ARHGAP24: variants seen among roughly 807,000 people sequenced by gnomAD.
ARHGAP24 encodes Rho GTPase activating protein 24, also known as rho GTPase-activating protein 24.
ARHGAP24 carries 50 observed loss-of-function variants against 76.4 expected under a neutral mutation model. The observed-to-expected ratio is 0.65, with a 90% confidence interval of 0.52 to 0.83. The LOEUF is 0.83. Among genes scored for constraint, ARHGAP24 ranks in the 40% least tolerant of loss-of-function variants. The pLI is 0.00. For missense variants in ARHGAP24, 930 were observed against 914.2 expected (o/e 1.02, Z -0.22); for synonymous variants, 345 against 323.3 (o/e 1.07, Z -0.72).
intron 3 of ARHGAP24, 85 bp from the exon 4 acceptor site, chr4:85,923,563 T>G: frequency 1.9e-6 from 3 of 1,582,774 alleles, no homozygotes; most frequent in Non-Finnish European, 2.6e-6. Flanking sequence ...TTAGGCACAG[T>G]CTCTGTTTCA....
chr4:85,510,933 A>G (rs1724258866), intron 1 of ARHGAP24, among the ~76,000 whole-genome samples: 1 of 152,040 alleles, frequency 6.6e-6, no homozygotes, highest in Non-Finnish European at 1.5e-5. Context: ...CTGCATAGTA[A>G]CGGTATATTA....
At chr4:85,992,086 C>T (rs1182447057) in intron 8 of ARHGAP24, 7 of 397,160 alleles carry the variant, frequency 1.8e-5, no homozygotes, top group South Asian at 2.5e-4. Flanking sequence ...CCAGAATCTG[C>T]TTGGACTCTT....
At chr4:85,583,677 T>G (rs1021405982) in intron 2 of ARHGAP24, among the ~76,000 whole-genome samples, 71 of 150,862 alleles carry the variant, frequency 4.7e-4, no homozygotes, top group African/African-American at 1.7e-3. Context: ...GGGAGAAAAT[T>G]TTCGCAACCT....
chr4:85,821,193 C>A (rs1729454042), intron 3 of ARHGAP24, among the ~76,000 whole-genome samples: 1 of 152,072 alleles, frequency 6.6e-6, no homozygotes, highest in Non-Finnish European at 1.5e-5. Context: ...GCATACTGTA[C>A]AGGTGATGAG....
At chr4:85,629,931 C>T (rs1299811676) in intron 2 of ARHGAP24, among the ~76,000 whole-genome samples, 2 of 152,020 alleles carry the variant, frequency 1.3e-5, no homozygotes, top group Non-Finnish European at 2.9e-5. Context: ...AGATTTCTGA[C>T]CCCTTTTCTT....
At chr4:85,785,149 C>T (rs1016123651) in intron 3 of ARHGAP24, among the ~76,000 whole-genome samples, 5 of 152,112 alleles carry the variant, frequency 3.3e-5, no homozygotes, top group African/African-American at 1.2e-4. Flanking sequence ...TACTCAGTTT[C>T]AGGGTGTCAA....
chr4:85,594,746 A>T (rs1728248340), intron 2 of ARHGAP24, among the ~76,000 whole-genome samples: 1 of 152,126 alleles, frequency 6.6e-6, no homozygotes, highest in African/African-American at 2.4e-5. Context: ...GCCCCATAAA[A>T]ATCACCTACA....
At chr4:85,730,213 T>A (rs1266100838) in intron 3 of ARHGAP24, among the ~76,000 whole-genome samples, 2 of 152,232 alleles carry the variant, frequency 1.3e-5, no homozygotes, top group African/African-American at 4.8e-5. Context: ...AACTGAAATC[T>A]CTTATGTGAC....
At chr4:85,540,458 G>A (rs1222795966) in intron 1 of ARHGAP24, among the ~76,000 whole-genome samples, 2 of 152,150 alleles carry the variant, frequency 1.3e-5, no homozygotes, top group Non-Finnish European at 2.9e-5. Flanking sequence ...CCCTTGAGAT[G>A]ATACCAGTCT....
chr4:85,675,580 A>G (rs1722952984), intron 2 of ARHGAP24, among the ~76,000 whole-genome samples: 1 of 152,198 alleles, frequency 6.6e-6, no homozygotes, highest in Non-Finnish European at 1.5e-5. Context: ...CGTAACATTT[A>G]AAGTTGGTGA....
chr4:85,782,439 A>G (rs1727608924), intron 3 of ARHGAP24, among the ~76,000 whole-genome samples: 1 of 152,240 alleles, frequency 6.6e-6, no homozygotes, highest in African/African-American at 2.4e-5. Context: ...GGAAACAACC[A>G]TTTAAATGAA....
At chr4:85,932,109 C>T (rs1736368603) in intron 4 of ARHGAP24, among the ~76,000 whole-genome samples, 1 of 152,154 alleles carries the variant, frequency 6.6e-6, no homozygotes, top group Non-Finnish European at 1.5e-5. Context: ...CAATCACCAT[C>T]ATATATTATC....
intron 4 of ARHGAP24, among the ~76,000 whole-genome samples, chr4:85,925,836 A>G (rs1735992091): frequency 6.6e-6 from 1 of 152,124 alleles, no homozygotes; most frequent in Non-Finnish European, 1.5e-5. Flanking sequence ...CCTCCAGGGT[A>G]AAGGGTTTGT....
chr4:85,586,621 C>T (rs1367781872), intron 2 of ARHGAP24, among the ~76,000 whole-genome samples: 2 of 152,120 alleles, frequency 1.3e-5, no homozygotes, highest in South Asian at 2.1e-4. Context: ...AGAATTGGGC[C>T]GGGCGTGGTG....
intron 3 of ARHGAP24, among the ~76,000 whole-genome samples, chr4:85,889,066 G>C (rs1733735089): frequency 6.6e-6 from 1 of 152,056 alleles, no homozygotes; most frequent in African/African-American, 2.4e-5. Context: ...TTGCTATTCT[G>C]TATAGTGTTG....
At chr4:85,561,567 A>G (rs1726601357) in intron 1 of ARHGAP24, among the ~76,000 whole-genome samples, 1 of 152,182 alleles carries the variant, frequency 6.6e-6, no homozygotes, top group Non-Finnish European at 1.5e-5. Context: ...CTAATTATTT[A>G]AATATTTTTC....
intron 3 of ARHGAP24, among the ~76,000 whole-genome samples, chr4:85,864,484 T>A (rs1286400638): frequency 1.3e-5 from 2 of 152,150 alleles, no homozygotes; most frequent in Non-Finnish European, 2.9e-5. Flanking sequence ...AGATTTATCT[T>A]GAATTCCGTA....
intron 2 of ARHGAP24, among the ~76,000 whole-genome samples, chr4:85,638,247 A>G (rs914374184): frequency 2.0e-5 from 3 of 152,276 alleles, no homozygotes; most frequent in African/African-American, 7.2e-5. Context: ...CAAATACCAC[A>G]TTTAATGATA....
intron 2 of ARHGAP24, among the ~76,000 whole-genome samples, chr4:85,675,385 T>C (rs1722946788): frequency 6.6e-6 from 1 of 152,172 alleles, no homozygotes; most frequent in Non-Finnish European, 1.5e-5. Context: ...AGATTCAGCA[T>C]GTATTCTGCA....
Sources: gnomAD v4.1 joint callset for allele counts (sites outside exome capture counted in the v4.1 genomes callset) on GRCh38, gnomAD v4.1.1 for gene constraint, MANE v1.5 for transcripts, NCBI Gene and HGNC (gene_info 2026-07-23, HGNC 2026-07-21) for gene names.